ATG5: variants seen among roughly 807,000 people sequenced by gnomAD.
ATG5 encodes the protein autophagy related 5.
Under a neutral mutation model 36.5 loss-of-function variants are expected in ATG5, and 14 were observed. The ratio of observed to expected loss-of-function variants is 0.38; its 90% CI spans 0.25 to 0.60. ATG5 has a LOEUF of 0.60. ATG5 is among the 20% of genes least tolerant of loss of function. ATG5 has a pLI of 0.60. For missense variants in ATG5, 195 were observed against 326.7 expected, an observed-to-expected ratio of 0.60 and a Z score of 3.11; for synonymous variants, 95 against 101.5, an observed-to-expected ratio of 0.94 and a Z score of 0.38.
At chr6:106,194,118 G>A (rs543552481) in intron 7 of ATG5, among the ~76,000 whole-genome samples, 6 of 152,230 alleles carry the variant, frequency 3.9e-5, no homozygotes, top group Admixed American at 2.0e-4. Context: ...ATCAAATAGC[G>A]TGAAGGTACA....
chr6:106,254,217 T>C (rs773368854), intron 5 of ATG5, among the ~76,000 whole-genome samples: 1 of 152,196 alleles, frequency 6.6e-6, no homozygotes, highest in Non-Finnish European at 1.5e-5. Context: ...GAAAGATTTC[T>C]TTCATAATCC....
intron 5 of ATG5, among the ~76,000 whole-genome samples, chr6:106,256,485 C>T (rs1173911759): frequency 1.3e-5 from 2 of 152,146 alleles, no homozygotes; most frequent in Non-Finnish European, 2.9e-5. Flanking sequence ...CGTTAACAAC[C>T]TCCAGATGTA....
rs75781760 is a variant in ATG5 at position 106,296,056 on chromosome 6, A to G, written c.237-2950T>C. ...CAACTGCTGAATGCATAAATCGAAGAAGTCCACAGACTAACCCTAGGTACA... is the reference window on the plus strand; with the variant it reads ...CAACTGCTGAATGCATAAATCGAAGGAGTCCACAGACTAACCCTAGGTACA... On this transcript the variant is annotated intron_variant, in intron 3 of 7. Transcript: ENST00000369076. Among the ~76,000 whole-genome samples, 562 of 152,312 alleles carry G rather than the reference A, an allele frequency of 3.7e-3. 3 individuals are homozygous for G. The highest frequency in any genetic ancestry group is 0.013 in the African/African-American group (529 of 41,580).
At position 106,316,142 on chromosome 6, in the gene ATG5, A is replaced by G; in HGVS notation, c.67T>C (p.Tyr23His). ...TCCCTTTCAGTTATCTCATCCTGAT[A>G]TAGCGTGAAACAAGTTGGAATTCGT... is the stretch of plus-strand genomic sequence containing the variant. ...FGRIPTCFTL[Y>H]QDEITEREAE... The change falls in exon 2 of 8, where the codon TAT (tyrosine) becomes CAT (histidine). Residue 23 changes from tyrosine to histidine, a missense_variant. Coordinates refer to ENST00000369076, the MANE Select transcript of ATG5 (RefSeq NM_004849.4). 1.9e-6 allele frequency: 3 copies of G among 1,613,678 alleles called. No homozygotes were observed. The South Asian group carries it at 3.3e-5, about 18-fold the overall frequency.
At position 106,309,404 on chromosome 6, in the gene ATG5, G is replaced by A. The variant is rs559525503; in HGVS notation, c.109-913C>T. On this transcript the variant is annotated intron_variant, in intron 2 of 7. Transcript: ENST00000369076. ...ACCAACCAACTAGGTAGGAGAACGTGACATTGATCCTAGGGGCTACAGAAT... is the reference window on the plus strand; with the variant it reads ...ACCAACCAACTAGGTAGGAGAACGTAACATTGATCCTAGGGGCTACAGAAT... Among the ~76,000 whole-genome samples, 59 of 152,220 alleles carry A rather than the reference G, an allele frequency of 3.9e-4. 1 individual carries two copies. The highest frequency in any genetic ancestry group is 1.4e-3 in the African/African-American group (59 of 41,560).
chr6:106,275,808 A>G (rs1256072254), intron 5 of ATG5, among the ~76,000 whole-genome samples: 4 of 152,228 alleles, frequency 2.6e-5, no homozygotes, highest in Non-Finnish European at 4.4e-5. Context: ...AGCTTGGTTA[A>G]CCAACCTTTT....
At chr6:106,214,109 A>G (rs1033495151) in intron 6 of ATG5, among the ~76,000 whole-genome samples, 23 of 152,216 alleles carry the variant, frequency 1.5e-4, no homozygotes, top group Admixed American at 1.4e-3. Flanking sequence ...ATCTGCTTCA[A>G]CTGTCCCATG....
rs146316011 is a variant in ATG5 at position 106,292,550 on chromosome 6, A to G, written c.315+478T>C. On this transcript the variant is annotated intron_variant, in intron 4 of 7. Coordinates refer to ENST00000369076, the MANE Select transcript of ATG5 (RefSeq NM_004849.4). ...AATAGCCTTAGAATTACTCAACAGT[A>G]TTAGGTTGTCCCCTCTGTACTTCCA... Among the ~76,000 whole-genome samples the G allele has an allele frequency of 5.7e-4, 87 of 152,324 alleles. No individual in the cohort carries two copies. In the East Asian group the frequency reaches 0.015, roughly 26 times the overall value.
chr6:106,206,920 AT>A (rs1302317609), intron 6 of ATG5, among the ~76,000 whole-genome samples: 1 of 152,236 alleles, frequency 6.6e-6, no homozygotes, highest in African/African-American at 2.4e-5. Flanking sequence ...GTAAACGTTG[AT>A]TTAGTATATA....
intron 6 of ATG5, among the ~76,000 whole-genome samples, chr6:106,208,627 T>C (rs919343490): frequency 6.6e-6 from 1 of 151,484 alleles, no homozygotes; most frequent in East Asian, 1.9e-4. Flanking sequence ...ACTAAAGGCA[T>C]GACCCATAAA....
At chr6:106,275,744 C>T (rs895565455) in intron 5 of ATG5, among the ~76,000 whole-genome samples, 1 of 152,142 alleles carries the variant, frequency 6.6e-6, no homozygotes, top group African/African-American at 2.4e-5. Flanking sequence ...ATACCCAGTT[C>T]TGAATGTGTA....
At chr6:106,224,511 T>C (rs986854583) in intron 6 of ATG5, among the ~76,000 whole-genome samples, 12 of 152,104 alleles carry the variant, frequency 7.9e-5, no homozygotes, top group African/African-American at 2.9e-4. Flanking sequence ...AGAAGTAGAT[T>C]ATGTATTTGG....
At chr6:106,271,326 TG>T (rs1779444294) in intron 5 of ATG5, among the ~76,000 whole-genome samples, 2 of 152,194 alleles carry the variant, frequency 1.3e-5, no homozygotes, top group Admixed American at 6.5e-5. Flanking sequence ...ATAGATAAAG[TG>T]GTGGGGCATT....
chr6:106,310,594 A>C (rs151099472), intron 2 of ATG5, among the ~76,000 whole-genome samples: 1 of 152,242 alleles, frequency 6.6e-6, no homozygotes, highest in East Asian at 1.9e-4. Context: ...TTACCATTTA[A>C]ACCATTTTTA....
intron 6 of ATG5, among the ~76,000 whole-genome samples, chr6:106,233,677 C>T (rs531634162): frequency 2.0e-5 from 3 of 152,178 alleles, no homozygotes; most frequent in East Asian, 3.9e-4. Context: ...TCTGTGTAGA[C>T]ATCTCATAAC....
At chr6:106,272,850 CATG>C (rs1236045649) in intron 5 of ATG5, among the ~76,000 whole-genome samples, 1 of 152,088 alleles carries the variant, frequency 6.6e-6, no homozygotes, top group East Asian at 1.9e-4. Context: ...CTTGATTAAA[CATG>C]AGAGTATAAA....
At chr6:106,188,989 G>A (rs928206897) in intron 7 of ATG5, among the ~76,000 whole-genome samples, 4 of 152,118 alleles carry the variant, frequency 2.6e-5, no homozygotes, top group Admixed American at 6.5e-5. Context: ...ACTTCAAACC[G>A]AAGTTTCTCT....
At chr6:106,229,677 G>A (rs1307231718) in intron 6 of ATG5, among the ~76,000 whole-genome samples, 4 of 152,186 alleles carry the variant, frequency 2.6e-5, no homozygotes, top group African/African-American at 4.8e-5. Flanking sequence ...TGTTGTCAGC[G>A]TAAACAAGGG....
chr6:106,191,409 T>C (rs1181634085), intron 7 of ATG5, among the ~76,000 whole-genome samples: 2 of 152,132 alleles, frequency 1.3e-5, no homozygotes, highest in African/African-American at 4.8e-5. Flanking sequence ...GTTTGCAAAC[T>C]GGTCCAGAGT....
Sources: allele counts gnomAD v4.1 joint callset (sites outside exome capture counted in the v4.1 genomes callset), GRCh38; gene constraint gnomAD v4.1.1; transcripts MANE v1.5; gene names NCBI Gene and HGNC (gene_info 2026-07-23, HGNC 2026-07-21).